The following EML6 variants were observed in gnomAD, a reference collection of about 807,000 sequenced individuals.
EML6 encodes echinoderm microtubule-associated protein-like 6.
EML6 carries 154 observed loss-of-function variants against 240.1 expected under a neutral mutation model. The observed-to-expected ratio is 0.64, with a 90% confidence interval of 0.56 to 0.73. EML6 has a LOEUF of 0.73. Among genes scored for constraint, EML6 ranks in the 30% least tolerant of loss-of-function variants. The pLI, the probability that EML6 is intolerant of heterozygous loss-of-function variation, is 0.00. For synonymous variants in EML6, 1,148 were observed against 899.0 expected, an observed-to-expected ratio of 1.28 and a Z score of -4.95; for missense variants, 2,964 against 2,474.6, an observed-to-expected ratio of 1.20 and a Z score of -4.20.
In EML6 at chr2:54,892,663, C is replaced by A; in HGVS notation, c.2742+7C>A. On this transcript the variant is annotated splice_region_variant and intron_variant, in intron 19 of 41. Coordinates refer to ENST00000356458, the MANE Select transcript of EML6 (RefSeq NM_001039753.4). ...TATGTATGCACTGGATAAGGTATGG[C>A]CTGTGTATCAGCATTCATTTTCCTC... 6.5e-7 allele frequency: 1 copy of A among 1,546,460 alleles called. No homozygotes were observed. Among genetic ancestry groups the A allele is most frequent in the Non-Finnish European group, 8.7e-7 (1 of 1,143,474 alleles).
intron 2 of EML6, among the ~76,000 whole-genome samples, chr2:54,789,770 G>T (rs1265136849): frequency 6.6e-6 from 1 of 152,150 alleles, no homozygotes; most frequent in Non-Finnish European, 1.5e-5. Context: ...CTCAGACATG[G>T]TCCTAATAGG....
At chr2:54,919,591 A>G (rs1573143028) in intron 26 of EML6, among the ~76,000 whole-genome samples, 1 of 152,198 alleles carries the variant, frequency 6.6e-6, no homozygotes, top group Non-Finnish European at 1.5e-5. Flanking sequence ...CTATTTGATC[A>G]GAATTTAGTT....
chr2:54,736,771 T>G (rs1246741929), intron 2 of EML6, among the ~76,000 whole-genome samples: 1 of 152,168 alleles, frequency 6.6e-6, no homozygotes, highest in Admixed American at 6.5e-5. Flanking sequence ...TCCCCTGCCC[T>G]TTGCCTCCTC....
intron 2 of EML6, among the ~76,000 whole-genome samples, chr2:54,753,834 GC>G (rs1684281451): frequency 6.6e-6 from 1 of 151,764 alleles, no homozygotes; most frequent in South Asian, 2.1e-4. Flanking sequence ...ACCATGTCTG[GC>G]TAATTAAAAA....
At chr2:54,784,883 T>C (rs990773212) in intron 2 of EML6, among the ~76,000 whole-genome samples, 1 of 152,194 alleles carries the variant, frequency 6.6e-6, no homozygotes, top group African/African-American at 2.4e-5. Flanking sequence ...CTGTATTGTA[T>C]TTGTCAATAC....
At chr2:54,832,194 C>G (rs1026816229) in intron 7 of EML6, among the ~76,000 whole-genome samples, 1 of 152,212 alleles carries the variant, frequency 6.6e-6, no homozygotes, top group South Asian at 2.1e-4. Context: ...TTACTGGTAA[C>G]AACTAAAGTC....
intron 14 of EML6, chr2:54,867,232 T>C: frequency 5.8e-6 from 1 of 173,402 alleles, no homozygotes; most frequent in Non-Finnish European, 1.2e-5. Context: ...TGCTGTGTTT[T>C]GCTGGCTCCA....
intron 11 of EML6, among the ~76,000 whole-genome samples, chr2:54,855,445 TA>T (rs1670321529): frequency 7.1e-6 from 1 of 139,934 alleles, no homozygotes; most frequent in African/African-American, 2.8e-5. Context: ...ATAATCCAGT[TA>T]CCTTCTACCA....
chr2:54,916,671 A>C (rs1673926447), intron 25 of EML6, 88 bp from the exon 26 acceptor site: 4 of 1,098,096 alleles, frequency 3.6e-6, no homozygotes. Context: ...TGGCAAAGTA[A>C]TTTAGAATTA....
Position 54,960,325 on chromosome 2 carries a change from C to T in EML6, c.4959C>T (p.Cys1653=). 6.5e-7 allele frequency: 1 copy of T among 1,549,800 alleles called. No individual in the cohort carries two copies. The highest frequency in any genetic ancestry group is 8.7e-7 in the Non-Finnish European group (1 of 1,146,582). ...TGGTGGAGTGTGTGCGCTCCGTGTG[C>T]CGTGGAAAAGTGAGCACAGCCAGCT... ...GQLVECVRSV[C]RGKGKILVGT... Residue 1653 remains cysteine (C), a synonymous_variant, in exon 35 of 42, where the codon TGC becomes TGT. Transcript: ENST00000356458.
chr2:54,794,101 C>G (rs1487822565), intron 2 of EML6, among the ~76,000 whole-genome samples: 1 of 152,076 alleles, frequency 6.6e-6, no homozygotes, highest in Non-Finnish European at 1.5e-5. Flanking sequence ...TCAAATAAAT[C>G]TTATCCCAGT....
At chr2:54,957,042 CTG>C (rs1676264772) in intron 32 of EML6, among the ~76,000 whole-genome samples, 1 of 152,186 alleles carries the variant, frequency 6.6e-6, no homozygotes, top group Admixed American at 6.5e-5. Context: ...GTATCAAGCA[CTG>C]TGCTCAGGGC....
In EML6 at chr2:54,964,426, T is replaced by G. The variant is rs895298231; in HGVS notation, c.5331-145T>G. On this transcript the variant is annotated intron_variant, in intron 37 of 41. Coordinates refer to ENST00000356458, the MANE Select transcript of EML6 (RefSeq NM_001039753.4). Reference sequence around the variant, plus strand: ...AGATAAATTGTTGAATTCCGTAGAATGCCAGGAGAGGCTGACCACATGTGA... The same window carrying G: ...AGATAAATTGTTGAATTCCGTAGAAGGCCAGGAGAGGCTGACCACATGTGA... 3 of 767,162 alleles carry G rather than the reference T, an allele frequency of 3.9e-6. No homozygotes were observed. The African/African-American group carries it at 5.3e-5, about 14-fold the overall frequency. 47.5% of individuals were successfully genotyped at this position (767,162 alleles called of 1,614,324 possible).
chr2:54,932,468 C>G (rs556532673), intron 28 of EML6, among the ~76,000 whole-genome samples: 4 of 152,320 alleles, frequency 2.6e-5, no homozygotes, highest in African/African-American at 9.6e-5. Flanking sequence ...TCTAGAGGAA[C>G]CCTTCCAAAC....
chr2:54,798,522 A>G (rs1265671486), intron 2 of EML6, among the ~76,000 whole-genome samples: 7 of 152,184 alleles, frequency 4.6e-5, no homozygotes, highest in Non-Finnish European at 8.8e-5. Flanking sequence ...TGTTAAACTT[A>G]AGATCTTAAG....
At chr2:54,756,191 G>A (rs1304008384) in intron 2 of EML6, among the ~76,000 whole-genome samples, 1 of 152,172 alleles carries the variant, frequency 6.6e-6, no homozygotes, top group Non-Finnish European at 1.5e-5. Flanking sequence ...AGGAGGCAGA[G>A]TGGGTGAAAT....
At position 54,948,952 on chromosome 2, in the gene EML6, C is replaced by A. The variant is rs1309820375; in HGVS notation, c.4075C>A (p.Leu1359Met). 1.2e-5 allele frequency: 18 copies of A among 1,549,860 alleles called. No homozygotes were observed. Among genetic ancestry groups the A allele is most frequent in the Non-Finnish European group, 1.5e-5 (17 of 1,145,574 alleles). The change falls in exon 29 of 42, where the codon CTG becomes ATG. Residue 1359 changes from leucine (L) to methionine (M), a missense_variant. Physicochemically the swap from Leu to Met is conservative, Grantham distance 15 (BLOSUM62 2). Coordinates refer to ENST00000356458, the MANE Select transcript of EML6 (RefSeq NM_001039753.4). ...GAACAATATCACCAAAAAAAAGAAA[C>A]TGGTTGAGGTGAGTTAAACAATCAC... ...QKNNITKKKK[L>M]VEELALDHVF...
intron 39 of EML6, 27 bp from the exon 40 acceptor site, chr2:54,968,101 T>C: frequency 1.9e-6 from 3 of 1,549,716 alleles, no homozygotes; most frequent in Non-Finnish European, 2.6e-6. Flanking sequence ...CTTCCTTCTA[T>C]CCTAACCCCT....
chr2:54,956,914 G>A (rs539950258), intron 32 of EML6, among the ~76,000 whole-genome samples: 1 of 152,114 alleles, frequency 6.6e-6, no homozygotes, highest in Non-Finnish European at 1.5e-5. Flanking sequence ...TAAAAAAGAG[G>A]TGAGTTTAAA....
Sources: gnomAD v4.1 joint callset for allele counts (sites outside exome capture counted in the v4.1 genomes callset) on GRCh38, gnomAD v4.1.1 for gene constraint, MANE v1.5 for transcripts, NCBI Gene and HGNC (gene_info 2026-07-23, HGNC 2026-07-21) for gene names.